MINDY3: variants seen among roughly 807,000 people sequenced by gnomAD.
MINDY3 encodes MINDY lysine 48 deubiquitinase 3, also known as ubiquitin carboxyl-terminal hydrolase MINDY-3.
A neutral mutation model predicts 69.2 loss-of-function variants in MINDY3; 38 were observed. The observed-to-expected ratio is 0.55, with a 90% CI of 0.42 to 0.72. The LOEUF (loss-of-function observed/expected upper bound fraction) is 0.72, where lower values mean the gene tolerates loss of function less well. Ranked by LOEUF, MINDY3 falls within the 30% of genes least tolerant of loss-of-function variation. MINDY3 has a pLI of 0.00. For missense variants in MINDY3, 522 were observed against 519.0 expected (o/e 1.01, Z -0.06); for synonymous variants, 192 against 180.1 (o/e 1.07, Z -0.53).
chr10:15,831,533 G>A (rs1239255709), intron 8 of MINDY3, among the ~76,000 whole-genome samples: 1 of 152,166 alleles, frequency 6.6e-6, no homozygotes, highest in Non-Finnish European at 1.5e-5. Flanking sequence ...ACAGCAAGAT[G>A]ACAGCCTTGA....
chr10:15,821,846 C>A (rs1186455200), intron 8 of MINDY3, 120 bp from the exon 9 acceptor site: 13 of 696,754 alleles, frequency 1.9e-5, no homozygotes. Flanking sequence ...TAACTTTTAC[C>A]CAAAACTATA....
chr10:15,793,458 G>A (rs1292128746), intron 11 of MINDY3, among the ~76,000 whole-genome samples: 1 of 151,960 alleles, frequency 6.6e-6, no homozygotes, highest in African/African-American at 2.4e-5. Context: ...ATAAGTACTG[G>A]GCTCCTAAGA....
chr10:15,805,585 T>C (rs1016278101), intron 10 of MINDY3, among the ~76,000 whole-genome samples: 1 of 152,174 alleles, frequency 6.6e-6, no homozygotes, highest in Non-Finnish European at 1.5e-5. Flanking sequence ...AAGAGGATTA[T>C]TTGTCACTGT....
intron 10 of MINDY3, among the ~76,000 whole-genome samples, chr10:15,809,217 A>C (rs978783457): frequency 3.3e-5 from 5 of 152,140 alleles, no homozygotes; most frequent in African/African-American, 9.7e-5. Flanking sequence ...AAATGCCCTA[A>C]TGTTTGAACA....
At chr10:15,801,392 G>A (rs948784851) in intron 10 of MINDY3, among the ~76,000 whole-genome samples, 4 of 152,080 alleles carry the variant, frequency 2.6e-5, no homozygotes, top group Admixed American at 2.0e-4. Context: ...AGAAGGCCTG[G>A]AAGAGAATGC....
At chr10:15,843,167 T>C in intron 3 of MINDY3, 45 bp downstream of exon 3, 1 of 1,488,350 alleles carries the variant, frequency 6.7e-7, no homozygotes, top group Non-Finnish European at 9.3e-7. Flanking sequence ...TCATCTCTAT[T>C]AAAACAGAGG....
intron 11 of MINDY3, among the ~76,000 whole-genome samples, chr10:15,792,502 G>C (rs142791633): frequency 1.3e-5 from 2 of 152,054 alleles, no homozygotes; most frequent in African/African-American, 4.8e-5. Flanking sequence ...TAACAGTGAC[G>C]GGAGGCCACA....
intron 10 of MINDY3, among the ~76,000 whole-genome samples, chr10:15,816,459 G>T (rs760923304): frequency 6.6e-6 from 1 of 151,822 alleles, no homozygotes; most frequent in African/African-American, 2.4e-5. Flanking sequence ...AGGAGATGCT[G>T]TAATTAAAAC....
chr10:15,825,262 T>C (rs1840013668), intron 8 of MINDY3, among the ~76,000 whole-genome samples: 1 of 152,198 alleles, frequency 6.6e-6, no homozygotes, highest in Non-Finnish European at 1.5e-5. Flanking sequence ...TATTTCCAAA[T>C]CTGAAAAAAA....
intron 2 of MINDY3, among the ~76,000 whole-genome samples, chr10:15,844,512 C>G (rs1397884779): frequency 6.6e-6 from 1 of 152,108 alleles, no homozygotes; most frequent in African/African-American, 2.4e-5. Flanking sequence ...AAGCATAATT[C>G]TTAATCACTA....
At chr10:15,807,019 C>T (rs1838682858) in intron 10 of MINDY3, among the ~76,000 whole-genome samples, 1 of 152,088 alleles carries the variant, frequency 6.6e-6, no homozygotes, top group Admixed American at 6.6e-5. Context: ...TGCCTTGGTA[C>T]TCACTAGTAT....
At chr10:15,811,330 A>C in intron 10 of MINDY3, among the ~76,000 whole-genome samples, 1 of 152,250 alleles carries the variant, frequency 6.6e-6, no homozygotes, top group East Asian at 1.9e-4. Flanking sequence ...AATCGCTGAG[A>C]CCTTAGTTCA....
At chr10:15,851,621 C>T (rs1174532820) in intron 1 of MINDY3, among the ~76,000 whole-genome samples, 1 of 151,988 alleles carries the variant, frequency 6.6e-6, no homozygotes, top group Admixed American at 6.6e-5. Context: ...CATTTCCATC[C>T]CATCTCCAGT....
chr10:15,847,979 T>C, intron 1 of MINDY3, 36 bp from the exon 2 acceptor site: 1 of 1,509,118 alleles, frequency 6.6e-7, no homozygotes, highest in Non-Finnish European at 9.2e-7. Flanking sequence ...ATTAAAAATA[T>C]AATTCAAGTA....
chr10:15,839,502 T>C (rs1240512126), intron 4 of MINDY3, among the ~76,000 whole-genome samples: 1 of 151,742 alleles, frequency 6.6e-6, no homozygotes, highest in Non-Finnish European at 1.5e-5. Flanking sequence ...CTTTTCCAAA[T>C]TATACTGCTT....
chr10:15,852,225 C>T (rs972254998), intron 1 of MINDY3, among the ~76,000 whole-genome samples: 39 of 152,122 alleles, frequency 2.6e-4, no homozygotes, highest in African/African-American at 9.2e-4. Context: ...TGTTTTCCCA[C>T]AGTATGTTTA....
At chr10:15,794,309 A>T (rs1837644976) in intron 11 of MINDY3, among the ~76,000 whole-genome samples, 1 of 152,112 alleles carries the variant, frequency 6.6e-6, no homozygotes, top group African/African-American at 2.4e-5. Flanking sequence ...TCATTTGGGG[A>T]AAGAAAATTA....
chr10:15,787,631 G>T (rs1837075197), intron 12 of MINDY3, among the ~76,000 whole-genome samples: 1 of 152,084 alleles, frequency 6.6e-6, no homozygotes, highest in Admixed American at 6.6e-5. Context: ...TATGAAAGCT[G>T]CATCTGCGCT....
chr10:15,816,789 T>C (rs1173866456), intron 10 of MINDY3, 46 bp downstream of exon 10: 1 of 1,267,792 alleles, frequency 7.9e-7, no homozygotes, highest in Non-Finnish European at 1.2e-6. Flanking sequence ...ATAATACTTG[T>C]TTGCCTGATG....
Sources: allele counts gnomAD v4.1 joint callset (sites outside exome capture counted in the v4.1 genomes callset), GRCh38; gene constraint gnomAD v4.1.1; transcripts MANE v1.5; gene names NCBI Gene and HGNC (gene_info 2026-07-23, HGNC 2026-07-21).